Variants in RP1 observed in about 807,000 individuals in gnomAD.
RP1 encodes the protein RP1 axonemal microtubule associated, also known as oxygen-regulated protein 1.
RP1 carries 16 observed loss-of-function variants against 14.8 expected under a neutral mutation model. The ratio of observed to expected loss-of-function variants is 1.08; its 90% CI spans 0.73 to 1.65. The LOEUF (loss-of-function observed/expected upper bound fraction) is 1.65, where lower values mean the gene tolerates loss of function less well. RP1 is among the 40% of genes most tolerant of loss of function. The pLI, the probability that RP1 is intolerant of heterozygous loss-of-function variation, is 0.00. For synonymous variants in RP1, 876 were observed against 883.6 expected (o/e 0.99, Z 0.15); for missense variants, 2,631 against 2,535.0 (o/e 1.04, Z -0.81).
At chr8:54,589,854 A>G (rs931661759) in intron 1 of RP1, among the ~76,000 whole-genome samples, 5 of 152,222 alleles carry the variant, frequency 3.3e-5, no homozygotes, top group Non-Finnish European at 5.9e-5. Flanking sequence ...TGGACTTAAA[A>G]TGAATGATCT....
chr8:54,582,947 AG>A (rs1372374159), intron 1 of RP1, among the ~76,000 whole-genome samples: 1 of 152,238 alleles, frequency 6.6e-6, no homozygotes, highest in East Asian at 1.9e-4. Context: ...ATCTGGAAAC[AG>A]GGACAATTTG....
exon 4 of RP1, chr8:54,649,053 A>G (rs1806604704): frequency 6.5e-7 from 1 of 1,532,344 alleles, no homozygotes; most frequent in South Asian, 1.2e-5. Flanking sequence ...ACAGATTTAT[A>G]TTATTCTGTA....
At chr8:54,608,004 T>C (rs1260308608) in intron 1 of RP1, among the ~76,000 whole-genome samples, 7 of 152,060 alleles carry the variant, frequency 4.6e-5, no homozygotes, top group Non-Finnish European at 1.0e-4. Context: ...GGTGAGGCGA[T>C]GCCTCACCCT....
chr8:54,627,978 G>C lies in RP1; in HGVS notation c.4096G>C (p.Asp1366His), dbSNP rs201213548. The C allele has an allele frequency of 2.5e-6, 4 of 1,614,008 alleles. No homozygotes were observed. In the African/African-American group the frequency reaches 5.3e-5, roughly 22 times the overall value. ...LDSTEELERG[D>H]DIQKDLNILT... ...TTCAACTGAAGAGTTAGAAAGAGGT[G>C]ATGACATTCAGAAAGATCTAAATAT... Residue 1366 changes from aspartate to histidine, a missense_variant, in exon 4 of 4, where the codon GAT becomes CAT. Physicochemically the swap from Asp to His is moderately conservative, Grantham distance 81. Coordinates refer to ENST00000220676, the MANE Select transcript of RP1 (RefSeq NM_006269.2).
intron 1 of RP1, among the ~76,000 whole-genome samples, chr8:54,565,925 C>G (rs191380893): frequency 3.5e-4 from 54 of 152,308 alleles, no homozygotes; most frequent in African/African-American, 1.3e-3. Context: ...CCAGTCTTCT[C>G]CCCAGCTCTG....
At chr8:54,851,792 G>A (rs1235874134) in intron 25 of RP1, among the ~76,000 whole-genome samples, 3 of 152,144 alleles carry the variant, frequency 2.0e-5, no homozygotes, top group African/African-American at 7.2e-5. Flanking sequence ...CACTTACCTT[G>A]TTTCCTTACT....
chr8:54,752,043 T>TG (rs1809384999), intron 19 of RP1, among the ~76,000 whole-genome samples: 1 of 152,202 alleles, frequency 6.6e-6, no homozygotes, highest in African/African-American at 2.4e-5. Flanking sequence ...AAGAACCTGT[T>TG]GAAGTTTTAG....
downstream of RP1, among the ~76,000 whole-genome samples, chr8:54,635,449 G>A (rs1407879342): frequency 6.6e-6 from 1 of 152,154 alleles, no homozygotes; most frequent in African/African-American, 2.4e-5. Context: ...AACATGACTT[G>A]TACATCACAG....
intron 18 of RP1, among the ~76,000 whole-genome samples, chr8:54,737,918 G>A (rs1808974767): frequency 6.6e-6 from 1 of 152,018 alleles, no homozygotes; most frequent in African/African-American, 2.4e-5. Flanking sequence ...AGGTAGATTG[G>A]TGCCTGTAGT....
chr8:54,813,720 AG>A (rs943430206), intron 24 of RP1, among the ~76,000 whole-genome samples: 1 of 152,240 alleles, frequency 6.6e-6, no homozygotes, highest in African/African-American at 2.4e-5. Context: ...GGATAAGCAC[AG>A]GCTGTGTCTA....
chr8:54,621,540 C>T lies in RP1; in HGVS notation c.574C>T (p.Gln192Ter), dbSNP rs751318405. The change falls in exon 2 of 4, where the codon CAG becomes TAG. Residue 192 changes from glutamine to a stop codon, truncating the protein, a stop_gained. Transcript: ENST00000220676. LOFTEE classifies it high-confidence loss of function. Reference protein sequence around the residue: ...AFLQHLTEVMQRPVVKLYATD... With the variant: ...AFLQHLTEVM ...TCTACAGCACCTGACAGAGGTCATG[C>T]AGCGCCCTGTGGTCAAGCTGTACGC... 2 of 1,614,200 alleles carry T rather than the reference C, an allele frequency of 1.2e-6. No homozygotes were observed. Among genetic ancestry groups the T allele is most frequent in the African/African-American group, 2.7e-5 (2 of 75,056 alleles).
Position 54,790,283 on chromosome 8 carries a change from C to T in RP1, c.3615+6573C>T, listed in dbSNP as rs143635649. Among the ~76,000 whole-genome samples the T allele has an allele frequency of 2.6e-5, 4 of 152,298 alleles. No homozygotes were observed. The East Asian group carries it at 7.7e-4, about 29-fold the overall frequency. ...GACCTTAACAGAAAGCATAACCTAC[C>T]TGTGAATGCTACCAGCTGGTCTGTC... On this transcript the variant is annotated intron_variant, in intron 24 of 28. Transcript: ENST00000637698.
chr8:54,726,269 C>A, intron 16 of RP1: 1 of 1,423,512 alleles, frequency 7.0e-7, no homozygotes, highest in Non-Finnish European at 9.2e-7. Context: ...ACTTGCATAG[C>A]TGAACATATG....
intron 13 of RP1, among the ~76,000 whole-genome samples, chr8:54,701,019 A>G (rs977256661): frequency 6.6e-6 from 1 of 152,122 alleles, no homozygotes; most frequent in Non-Finnish European, 1.5e-5. Flanking sequence ...CTAGAGGGAG[A>G]TGGGGTGAGA....
intron 25 of RP1, among the ~76,000 whole-genome samples, chr8:54,838,438 T>C (rs1278591395): frequency 1.3e-5 from 2 of 152,132 alleles, no homozygotes; most frequent in Non-Finnish European, 2.9e-5. Context: ...ACTGTGTATA[T>C]GTGTGTGTAT....
chr8:54,867,499 G>A (rs1812484285), intron 28 of RP1, among the ~76,000 whole-genome samples: 2 of 152,098 alleles, frequency 1.3e-5, no homozygotes, highest in Non-Finnish European at 2.9e-5. Context: ...TACTAGCTCT[G>A]GGAGCCTCAG....
At chr8:54,669,945 T>C (rs932244688) in intron 7 of RP1, among the ~76,000 whole-genome samples, 64 of 152,062 alleles carry the variant, frequency 4.2e-4, no homozygotes, top group African/African-American at 1.4e-3. Flanking sequence ...AGTTAATGAG[T>C]GCAGCAAACC....
At chr8:54,583,733 G>GTGTA (rs1314788593) in intron 1 of RP1, among the ~76,000 whole-genome samples, 2 of 152,156 alleles carry the variant, frequency 1.3e-5, no homozygotes, top group Non-Finnish European at 2.9e-5. Context: ...TCTTGGGAGG[G>GTGTA]TGTATGTGTT....
intron 14 of RP1, among the ~76,000 whole-genome samples, chr8:54,703,786 C>T (rs1294510373): frequency 2.0e-5 from 3 of 152,206 alleles, no homozygotes; most frequent in Non-Finnish European, 4.4e-5. Context: ...TTCTGGGTAA[C>T]TTGCTACAGC....
Sources: allele counts gnomAD v4.1 joint callset (sites outside exome capture counted in the v4.1 genomes callset), GRCh38; gene constraint gnomAD v4.1.1; transcripts MANE v1.5; gene names NCBI Gene and HGNC (gene_info 2026-07-23, HGNC 2026-07-21).